PAWR: variants seen among roughly 807,000 people sequenced by gnomAD.
PAWR encodes PRKC apoptosis WT1 regulator protein.
In PAWR, 23 loss-of-function variants were observed where a neutral mutation model predicts 32.0. The observed-to-expected ratio is 0.72, with a 90% CI of 0.52 to 1.02. The LOEUF (loss-of-function observed/expected upper bound fraction) is 1.02. Among genes scored for constraint, PAWR ranks in the 50% least tolerant of loss-of-function variants. The pLI, the probability that PAWR is intolerant of heterozygous loss-of-function variation, is 0.00. For synonymous variants in PAWR, 226 were observed against 187.1 expected, an observed-to-expected ratio of 1.21 and a Z score of -1.70; for missense variants, 457 against 437.7, an observed-to-expected ratio of 1.04 and a Z score of -0.39.
intron 2 of PAWR, among the ~76,000 whole-genome samples, chr12:79,631,630 TA>T (rs1487692892): frequency 6.6e-6 from 1 of 152,268 alleles, no homozygotes; most frequent in East Asian, 1.9e-4. Context: ...AAGAAAAATT[TA>T]AAAGACCTCA....
chr12:79,662,126 T>G (rs1160213639), intron 2 of PAWR, among the ~76,000 whole-genome samples: 1 of 146,616 alleles, frequency 6.8e-6, no homozygotes, highest in Non-Finnish European at 1.5e-5. Context: ...CACAGCTACT[T>G]CAGAGGCTGA....
At chr12:79,672,609 G>GCCTA (rs1877960230) in intron 2 of PAWR, among the ~76,000 whole-genome samples, 1 of 151,624 alleles carries the variant, frequency 6.6e-6, no homozygotes, top group African/African-American at 2.4e-5. Context: ...ACTCTCTATA[G>GCCTA]CCTATCTCCC....
chr12:79,655,104 T>C (rs1027301142), intron 2 of PAWR, among the ~76,000 whole-genome samples: 4 of 152,222 alleles, frequency 2.6e-5, no homozygotes, highest in African/African-American at 7.2e-5. Flanking sequence ...AGGTGTAGCA[T>C]CTCTTTTAGT....
chr12:79,636,138 T>C (rs899347616), intron 2 of PAWR, among the ~76,000 whole-genome samples: 1 of 152,180 alleles, frequency 6.6e-6, no homozygotes, highest in African/African-American at 2.4e-5. Flanking sequence ...GGCAATAGTT[T>C]CCTACTACTA....
intron 2 of PAWR, among the ~76,000 whole-genome samples, chr12:79,633,425 A>G (rs1875810684): frequency 6.6e-6 from 1 of 152,232 alleles, no homozygotes; most frequent in Admixed American, 6.5e-5. Context: ...AGCTGAAACC[A>G]TAATGAACCA....
At chr12:79,652,101 G>A (rs1876877928) in intron 2 of PAWR, among the ~76,000 whole-genome samples, 2 of 152,062 alleles carry the variant, frequency 1.3e-5, no homozygotes, top group African/African-American at 4.8e-5. Flanking sequence ...TGGGAAATTA[G>A]GAGTTATTGT....
intron 2 of PAWR, among the ~76,000 whole-genome samples, chr12:79,641,784 T>C (rs1190506453): frequency 7.7e-6 from 1 of 129,334 alleles, no homozygotes; most frequent in Non-Finnish European, 1.6e-5. Flanking sequence ...GAGTTGGAGG[T>C]TGCAGTGAGC....
At chr12:79,657,710 C>G (rs542129738) in intron 2 of PAWR, among the ~76,000 whole-genome samples, 53 of 151,890 alleles carry the variant, frequency 3.5e-4, no homozygotes, top group Non-Finnish European at 6.6e-4. Context: ...AGGAGAATGG[C>G]GTGAACCCGG....
At chr12:79,659,841 A>T (rs754249665) in intron 2 of PAWR, among the ~76,000 whole-genome samples, 3 of 152,194 alleles carry the variant, frequency 2.0e-5, no homozygotes, top group Non-Finnish European at 2.9e-5. Context: ...ATTTAAAGGA[A>T]ATATTTGGAT....
chr12:79,651,024 A>G (rs1876818661), intron 2 of PAWR, among the ~76,000 whole-genome samples: 1 of 152,258 alleles, frequency 6.6e-6, no homozygotes, highest in Non-Finnish European at 1.5e-5. Context: ...ATTAAAGCAC[A>G]GAAGTGTGAA....
chr12:79,627,978 C>A lies in PAWR; in HGVS notation c.517-6771G>T, dbSNP rs539659901. 2.0e-5 allele frequency among the ~76,000 whole-genome samples: 3 copies of A among 152,292 alleles called. No homozygotes were observed. The South Asian group carries it at 6.2e-4, about 32-fold the overall frequency. The stretch of plus-strand genomic sequence containing the variant: ...GGACCTAATAGACATCTACAGAACT[C>A]TCCACCCCAAATCAACAGAATATAC... On this transcript the variant is annotated intron_variant, in intron 2 of 6. Coordinates refer to ENST00000328827, the MANE Select transcript of PAWR (RefSeq NM_002583.4).
chr12:79,678,559 A>G (rs920784302), intron 2 of PAWR, among the ~76,000 whole-genome samples: 1 of 152,278 alleles, frequency 6.6e-6, no homozygotes, highest in African/African-American at 2.4e-5. Flanking sequence ...TTTGAGGCTC[A>G]ACTTCCTCAT....
At chr12:79,659,036 G>A (rs1004445350) in intron 2 of PAWR, among the ~76,000 whole-genome samples, 2 of 151,696 alleles carry the variant, frequency 1.3e-5, no homozygotes, top group South Asian at 4.2e-4. Context: ...AGAGGCTCAC[G>A]CCTGTTATCC....
intron 2 of PAWR, among the ~76,000 whole-genome samples, chr12:79,666,998 G>C (rs1424942195): frequency 6.6e-6 from 1 of 152,186 alleles, no homozygotes; most frequent in Non-Finnish European, 1.5e-5. Flanking sequence ...CTCTGACCTA[G>C]AAGCCCCTTC....
At chr12:79,662,138 G>A (rs537532724) in intron 2 of PAWR, among the ~76,000 whole-genome samples, 1 of 144,434 alleles carries the variant, frequency 6.9e-6, no homozygotes, top group South Asian at 2.2e-4. Flanking sequence ...AGAGGCTGAG[G>A]TAGGAGGTTT....
chr12:79,638,060 G>A (rs921050682), intron 2 of PAWR, among the ~76,000 whole-genome samples: 3 of 151,466 alleles, frequency 2.0e-5, no homozygotes, highest in Admixed American at 6.6e-5. Flanking sequence ...AGCCTTTCAC[G>A]TAAATTTTTG....
intron 2 of PAWR, among the ~76,000 whole-genome samples, chr12:79,649,677 A>G (rs1471156565): frequency 2.6e-5 from 4 of 152,070 alleles, no homozygotes; most frequent in Non-Finnish European, 4.4e-5. Context: ...TGTAGTCCCA[A>G]CTGCTTGGGA....
chr12:79,619,878 C>T (rs545398844), intron 3 of PAWR, among the ~76,000 whole-genome samples: 34 of 152,256 alleles, frequency 2.2e-4, no homozygotes, highest in African/African-American at 7.9e-4. Context: ...TTAAATAAAA[C>T]GCTCTGCTTT....
chr12:79,585,441 A>G lies in PAWR; in HGVS notation c.*7166T>C. Reference sequence around the variant, plus strand: ...AACACACTTTAAGAACCACTGGCAAAACATTTAATAAGACAATTCCATGAT... The same window carrying G: ...AACACACTTTAAGAACCACTGGCAAGACATTTAATAAGACAATTCCATGAT... On this transcript the variant is annotated 3_prime_UTR_variant, in exon 7 of 7. Coordinates refer to ENST00000328827, the MANE Select transcript of PAWR (RefSeq NM_002583.4). 5.3e-6 allele frequency: 1 copy of G among 189,454 alleles called. No homozygotes were observed. The highest frequency in any genetic ancestry group is 9.3e-5 in the South Asian group (1 of 10,762). 11.7% of individuals were successfully genotyped at this position (189,454 alleles called of 1,614,324 possible).
Sources: gnomAD v4.1 joint callset for allele counts (sites outside exome capture counted in the v4.1 genomes callset) on GRCh38, gnomAD v4.1.1 for gene constraint, MANE v1.5 for transcripts, NCBI Gene and HGNC (gene_info 2026-07-23, HGNC 2026-07-21) for gene names.